Variants in ZBTB20 observed in about 807,000 individuals in gnomAD.
ZBTB20 encodes zinc finger and BTB domain containing 20, also known as zinc finger and BTB domain-containing protein 20.
ZBTB20 carries 9 observed loss-of-function variants against 56.9 expected under a neutral mutation model. The observed-to-expected ratio is 0.16, with a 90% CI of 0.10 to 0.28. ZBTB20 has a LOEUF of 0.28. ZBTB20 is among the 10% of genes least tolerant of loss of function. The pLI, the probability that ZBTB20 is intolerant of heterozygous loss-of-function variation, is 1.00. For missense variants in ZBTB20, 655 were observed against 1,003.0 expected (o/e 0.65, Z 4.69); for synonymous variants, 417 against 420.7 (o/e 0.99, Z 0.11).
At chr3:114,656,426 A>T (rs1229462316) in intron 6 of ZBTB20, among the ~76,000 whole-genome samples, 1 of 152,044 alleles carries the variant, frequency 6.6e-6, no homozygotes, top group Non-Finnish European at 1.5e-5. Flanking sequence ...CTGTACTTTA[A>T]CCTTTGGTTC....
chr3:114,580,841 C>T (rs1167138730), intron 6 of ZBTB20, among the ~76,000 whole-genome samples: 1 of 151,722 alleles, frequency 6.6e-6, no homozygotes, highest in African/African-American at 2.4e-5. Flanking sequence ...CACTGGGCAG[C>T]AAGACACATT....
chr3:114,866,319 T>A (rs1261903294), intron 4 of ZBTB20, among the ~76,000 whole-genome samples: 1 of 152,172 alleles, frequency 6.6e-6, no homozygotes, highest in Non-Finnish European at 1.5e-5. Flanking sequence ...TGTTATACAG[T>A]AAGGGGCGAA....
chr3:114,452,137 A>T (rs964936974), intron 7 of ZBTB20, among the ~76,000 whole-genome samples: 13 of 152,196 alleles, frequency 8.5e-5, no homozygotes, highest in Admixed American at 8.5e-4. Context: ...AGCCCACAGC[A>T]ACAAAAGAAT....
chr3:115,006,815 A>G (rs973058418), intron 2 of ZBTB20, among the ~76,000 whole-genome samples: 1 of 151,700 alleles, frequency 6.6e-6, no homozygotes, highest in African/African-American at 2.4e-5. Context: ...ATATTTGTTT[A>G]GCGTTTTGGT....
At position 114,649,102 on chromosome 3, in the gene ZBTB20, G is replaced by T. The variant is rs183868423; in HGVS notation, c.-295+44426C>A. Among the ~76,000 whole-genome samples the T allele has an allele frequency of 1.8e-3, 276 of 152,014 alleles. 1 individual carries two copies. The highest frequency in any genetic ancestry group is 7.1e-3 in the South Asian group (34 of 4,820). ...AATTACCCCACAGTTTAATTTGACA[G>T]AGGAGCCAAAAAGATACACTATTCC... On this transcript the variant is annotated intron_variant, in intron 6 of 11. Transcript: ENST00000675478.
At chr3:115,005,363 C>G (rs1560483435) in intron 2 of ZBTB20, among the ~76,000 whole-genome samples, 3 of 151,464 alleles carry the variant, frequency 2.0e-5, no homozygotes. Flanking sequence ...CCAAATATAT[C>G]ATGAAAACAT....
At chr3:114,557,043 C>T (rs1379826700) in intron 6 of ZBTB20, among the ~76,000 whole-genome samples, 4 of 151,958 alleles carry the variant, frequency 2.6e-5, no homozygotes, top group Non-Finnish European at 5.9e-5. Flanking sequence ...TGATTATCTT[C>T]TCTGGAAGAA....
rs562938369 is a variant in ZBTB20 at position 115,045,669 on chromosome 3, G to A, written c.-507+25550C>T. On this transcript the variant is annotated intron_variant, in intron 2 of 11. Coordinates refer to ENST00000675478, the MANE Select transcript of ZBTB20 (RefSeq NM_001348800.3). ...ATGGAAGACTTTTATAATAGGAAAGGAAAAACCAAATAAGAGAGAAAGAGA... is the reference window on the plus strand; with the variant it reads ...ATGGAAGACTTTTATAATAGGAAAGAAAAAACCAAATAAGAGAGAAAGAGA... 7.9e-5 allele frequency among the ~76,000 whole-genome samples: 12 copies of A among 151,946 alleles called. No individual in the cohort carries two copies. In the South Asian group the frequency reaches 2.3e-3, roughly 29 times the overall value.
Position 114,781,465 on chromosome 3 carries a change from T to C in ZBTB20, c.-343+19636A>G, listed in dbSNP as rs139333169. Among the ~76,000 whole-genome samples, 6 of 152,354 alleles carry C rather than the reference T, an allele frequency of 3.9e-5. No homozygotes were observed. In the East Asian group the frequency reaches 1.2e-3, roughly 29 times the overall value. On this transcript the variant is annotated intron_variant, in intron 5 of 11. Transcript: ENST00000675478. Reference sequence around the variant, plus strand: ...TTGTTAAGGCATTTTGTCTTTCAAATGGCTGCCTAACTTAATTCATACCAA... The same window carrying C: ...TTGTTAAGGCATTTTGTCTTTCAAACGGCTGCCTAACTTAATTCATACCAA...
At chr3:114,347,972 T>G (rs2080333979) in intron 11 of ZBTB20, among the ~76,000 whole-genome samples, 1 of 152,240 alleles carries the variant, frequency 6.6e-6, no homozygotes, top group Non-Finnish European at 1.5e-5. Flanking sequence ...TGTGTCTGAG[T>G]GCACAAATCC....
chr3:114,877,173 G>T (rs1301675221), intron 4 of ZBTB20, among the ~76,000 whole-genome samples: 1 of 152,220 alleles, frequency 6.6e-6, no homozygotes, highest in East Asian at 1.9e-4. Context: ...ATACAAAGGT[G>T]TTTGACATAC....
At chr3:114,780,178 C>T (rs1038805567) in intron 5 of ZBTB20, among the ~76,000 whole-genome samples, 1 of 152,244 alleles carries the variant, frequency 6.6e-6, no homozygotes, top group South Asian at 2.1e-4. Flanking sequence ...CTCCATCAAA[C>T]ATGTAGATCA....
chr3:114,397,652 T>C (rs2086450922), intron 7 of ZBTB20, among the ~76,000 whole-genome samples: 1 of 152,060 alleles, frequency 6.6e-6, no homozygotes, highest in Admixed American at 6.6e-5. Context: ...GTGTGTTTCA[T>C]ACTGGAACTT....
chr3:114,649,050 C>A (rs2059994122), intron 6 of ZBTB20, among the ~76,000 whole-genome samples: 1 of 152,016 alleles, frequency 6.6e-6, no homozygotes, highest in African/African-American at 2.4e-5. Context: ...CACCCATTTT[C>A]TTTCTTCCCA....
intron 1 of ZBTB20, among the ~76,000 whole-genome samples, chr3:115,129,737 A>G (rs889487306): frequency 1.1e-4 from 16 of 152,324 alleles, no homozygotes; most frequent in African/African-American, 3.6e-4. Flanking sequence ...GACTTCCCAC[A>G]AAATATTCCT....
chr3:114,908,269 C>A (rs189859335), intron 3 of ZBTB20, among the ~76,000 whole-genome samples: 2 of 151,716 alleles, frequency 1.3e-5, no homozygotes, highest in Non-Finnish European at 2.9e-5. Context: ...CATTTCTGTA[C>A]GAATATATAA....
chr3:114,622,699 G>A (rs2058401614), intron 6 of ZBTB20, among the ~76,000 whole-genome samples: 1 of 152,136 alleles, frequency 6.6e-6, no homozygotes. Flanking sequence ...GTAATACGCT[G>A]GATCGCTGTA....
At chr3:115,129,323 A>G (rs1178365670) in intron 1 of ZBTB20, among the ~76,000 whole-genome samples, 1 of 152,228 alleles carries the variant, frequency 6.6e-6, no homozygotes, top group Admixed American at 6.5e-5. Context: ...CATCCATTCA[A>G]TTTTCTCCAA....
intron 6 of ZBTB20, among the ~76,000 whole-genome samples, chr3:114,572,810 A>G (rs1019004003): frequency 6.6e-6 from 1 of 152,030 alleles, no homozygotes; most frequent in Non-Finnish European, 1.5e-5. Flanking sequence ...TTTTTGGGTA[A>G]ATTTCTGGGT....
Sources: allele counts gnomAD v4.1 joint callset (sites outside exome capture counted in the v4.1 genomes callset), GRCh38; gene constraint gnomAD v4.1.1; transcripts MANE v1.5; gene names NCBI Gene and HGNC (gene_info 2026-07-23, HGNC 2026-07-21).